Variants in ACVR1C observed in about 807,000 individuals in gnomAD.
The protein encoded by ACVR1C is activin A receptor type 1C, also known as activin receptor type-1C.
ACVR1C carries 23 observed loss-of-function variants against 57.9 expected under a neutral mutation model. The observed-to-expected ratio is 0.40, with a 90% CI of 0.29 to 0.56. ACVR1C has a LOEUF of 0.56. Ranked by LOEUF, ACVR1C falls within the 20% of genes least tolerant of loss-of-function variation. The pLI is 0.50. For missense variants in ACVR1C, 480 were observed against 607.9 expected (o/e 0.79, Z 2.21); for synonymous variants, 214 against 215.3 (o/e 0.99, Z 0.05).
chr2:157,554,893 C>T (rs1010232615), intron 3 of ACVR1C, among the ~76,000 whole-genome samples: 1 of 151,856 alleles, frequency 6.6e-6, no homozygotes. Context: ...AAACCATGAG[C>T]TGGCAGGATT....
In ACVR1C at chr2:157,559,484, C is replaced by T. The variant is rs540475904; in HGVS notation, c.305-3152G>A. ...GAAAACAATCATGCAGCTAAGAATACGTTTCAATAATCATTAACTTTGATG... is the reference window on the plus strand; with the variant it reads ...GAAAACAATCATGCAGCTAAGAATATGTTTCAATAATCATTAACTTTGATG... On this transcript the variant is annotated intron_variant, in intron 2 of 8. Transcript: ENST00000243349. Among the ~76,000 whole-genome samples the T allele has an allele frequency of 3.3e-5, 5 of 152,210 alleles. No homozygotes were observed. The South Asian group carries it at 6.2e-4, about 19-fold the overall frequency.
intron 1 of ACVR1C, among the ~76,000 whole-genome samples, chr2:157,590,971 G>T (rs555260559): frequency 7.9e-5 from 12 of 152,016 alleles, no homozygotes; most frequent in Non-Finnish European, 1.5e-4. Context: ...GAATAAATTA[G>T]TTAACCTATA....
chr2:157,618,044 TAC>T (rs1415966148), intron 1 of ACVR1C, among the ~76,000 whole-genome samples: 1 of 151,918 alleles, frequency 6.6e-6, no homozygotes, highest in Non-Finnish European at 1.5e-5. Flanking sequence ...CTTTGATTTA[TAC>T]AAAGCAATGA....
chr2:157,538,275 A>G (rs1252456903), intron 8 of ACVR1C, among the ~76,000 whole-genome samples: 8 of 152,174 alleles, frequency 5.3e-5, no homozygotes. Flanking sequence ...GTGATTACTG[A>G]GTTACTGCAA....
intron 2 of ACVR1C, among the ~76,000 whole-genome samples, chr2:157,561,645 G>T: frequency 6.6e-6 from 1 of 152,084 alleles, no homozygotes; most frequent in East Asian, 1.9e-4. Context: ...AGTTCAATAG[G>T]AATAATTGCT....
intron 1 of ACVR1C, among the ~76,000 whole-genome samples, chr2:157,619,732 G>A (rs889808211): frequency 1.3e-5 from 2 of 151,784 alleles, no homozygotes; most frequent in Admixed American, 6.6e-5. Flanking sequence ...TAAAGAAAGC[G>A]GATGAAGAAA....
chr2:157,567,329 G>A lies in ACVR1C; in HGVS notation c.305-10997C>T, dbSNP rs574210815. ...AGCACCTCTCCTCCTCCAAAGGAAC[G>A]CAGTTCCTCACCAGCAACAGAACAA... On this transcript the variant is annotated intron_variant, in intron 2 of 8. Transcript: ENST00000243349. Among the ~76,000 whole-genome samples, 6 of 105,740 alleles carry A rather than the reference G, an allele frequency of 5.7e-5. 1 individual carries two copies. The highest frequency in any genetic ancestry group is 4.6e-4 in the East Asian group (2 of 4,358). 69.4% of individuals were successfully genotyped at this position (105,740 alleles called of 152,430 possible).
At chr2:157,596,819 C>G (rs1213169564) in intron 1 of ACVR1C, among the ~76,000 whole-genome samples, 1 of 151,994 alleles carries the variant, frequency 6.6e-6, no homozygotes, top group Non-Finnish European at 1.5e-5. Context: ...AACTCTTTGG[C>G]AAAGAGTCAA....
chr2:157,555,856 T>C (rs1297544388), intron 3 of ACVR1C, among the ~76,000 whole-genome samples: 3 of 152,116 alleles, frequency 2.0e-5, no homozygotes, highest in Non-Finnish European at 1.5e-5. Context: ...TGAAGGAAAG[T>C]GAATGTAAGA....
intron 1 of ACVR1C, among the ~76,000 whole-genome samples, chr2:157,612,626 C>T (rs1682559054): frequency 6.6e-6 from 1 of 152,236 alleles, no homozygotes; most frequent in Non-Finnish European, 1.5e-5. Context: ...TTAATTCTCA[C>T]AGCCCCAGAC....
Position 157,529,577 on chromosome 2 carries a change from A to G in ACVR1C, c.*4341T>C, listed in dbSNP as rs1011723318. On this transcript the variant is annotated 3_prime_UTR_variant, in exon 9 of 9. Transcript: ENST00000243349. ...AGAGTTCTGCTAGTAACTAGTAGTC[A>G]TTTAATCTCTGATCCTTGGTTTCGT... 1.3e-5 allele frequency: 2 copies of G among 152,056 alleles called. No homozygotes were observed. The highest frequency in any genetic ancestry group is 2.4e-5 in the African/African-American group (1 of 41,432). 9.4% of individuals were successfully genotyped at this position (152,056 alleles called of 1,614,324 possible). A position where few individuals can be genotyped will look rare whatever the true frequency, so the allele number is the denominator to read the frequency against.
chr2:157,599,870 C>G (rs553679995), intron 1 of ACVR1C, among the ~76,000 whole-genome samples: 33 of 152,306 alleles, frequency 2.2e-4, no homozygotes, highest in Admixed American at 1.4e-3. Context: ...GATCCCTAAT[C>G]CAGTCCAGGG....
intron 1 of ACVR1C, among the ~76,000 whole-genome samples, chr2:157,598,533 C>A (rs1002765884): frequency 6.7e-6 from 1 of 149,746 alleles, no homozygotes; most frequent in Non-Finnish European, 1.5e-5. Flanking sequence ...CATTTATTTT[C>A]TTTTAATAGT....
chr2:157,534,097 G>A, intron 8 of ACVR1C, 54 bp from the exon 9 acceptor site: 3 of 1,329,714 alleles, frequency 2.3e-6, no homozygotes, highest in South Asian at 3.9e-5. Context: ...ATAAAACAGA[G>A]CACAAAAGAA....
chr2:157,586,111 T>TGG (rs1482895023), intron 2 of ACVR1C, among the ~76,000 whole-genome samples: 6 of 152,286 alleles, frequency 3.9e-5, no homozygotes, highest in Admixed American at 3.9e-4. Flanking sequence ...ATATGTCTTT[T>TGG]ACACTTCTTC....
At chr2:157,549,928 G>A (rs1377145069) in intron 4 of ACVR1C, among the ~76,000 whole-genome samples, 10 of 149,226 alleles carry the variant, frequency 6.7e-5, no homozygotes, top group African/African-American at 2.2e-4. Context: ...GCATGAACCC[G>A]GGAGGCAGAG....
intron 1 of ACVR1C, among the ~76,000 whole-genome samples, chr2:157,590,640 C>G (rs1005412218): frequency 6.6e-6 from 1 of 151,896 alleles, no homozygotes; most frequent in Non-Finnish European, 1.5e-5. Flanking sequence ...AATAAATATA[C>G]TTTTTCATCA....
At position 157,573,542 on chromosome 2, in the gene ACVR1C, GT is replaced by G. The variant is rs973982707; in HGVS notation, c.304+13644del. ...AACAAAGATACCTGAAATTTGAAGG[GT>G]TTTTTTTTTTCTGTTGAATAGTCTA... On this transcript the variant is annotated intron_variant, in intron 2 of 8. Transcript: ENST00000243349. Among the ~76,000 whole-genome samples the G allele has an allele frequency of 2.5e-3, 361 of 146,876 alleles. 5 individuals are homozygous for G. Among genetic ancestry groups the G allele is most frequent in the African/African-American group, 3.6e-3 (144 of 40,170 alleles).
intron 3 of ACVR1C, among the ~76,000 whole-genome samples, chr2:157,554,464 T>C (rs1688041443): frequency 6.6e-6 from 1 of 151,954 alleles, no homozygotes; most frequent in African/African-American, 2.4e-5. Flanking sequence ...TAGCCAATAA[T>C]TTATTTTAAT....
Sources: gnomAD v4.1 joint callset for allele counts (sites outside exome capture counted in the v4.1 genomes callset) on GRCh38, gnomAD v4.1.1 for gene constraint, MANE v1.5 for transcripts, NCBI Gene and HGNC (gene_info 2026-07-23, HGNC 2026-07-21) for gene names.